TUBA4B: variants seen among roughly 807,000 people sequenced by gnomAD.
TUBA4B encodes tubulin-like protein alpha-4B.
In TUBA4B, 13 loss-of-function variants were observed where a neutral mutation model predicts 18.4. That is an observed-to-expected ratio of 0.71 (90% CI 0.46 to 1.12). The LOEUF (loss-of-function observed/expected upper bound fraction) is 1.12. Ranked by LOEUF, TUBA4B falls within the 50% of genes most tolerant of loss-of-function variation. The probability of loss-of-function intolerance (pLI) is 0.00; values close to 1 mark genes in which losing one functional copy is unlikely to be tolerated. For synonymous variants in TUBA4B, 101 were observed against 99.1 expected, an observed-to-expected ratio of 1.02 and a Z score of -0.11; for missense variants, 244 against 250.0, an observed-to-expected ratio of 0.98 and a Z score of 0.16.
chr2:219,257,062 T>TTC (rs1951724879), intron 1 of TUBA4B, among the ~76,000 whole-genome samples: 1 of 149,174 alleles, frequency 6.7e-6, no homozygotes, highest in African/African-American at 2.5e-5. Context: ...TTTTTTTTTT[T>TTC]TAAGATGGAG....
intron 1 of TUBA4B, among the ~76,000 whole-genome samples, chr2:219,262,267 T>C (rs943906651): frequency 3.9e-4 from 59 of 152,186 alleles, no homozygotes; most frequent in African/African-American, 1.2e-3. Context: ...GCTGAGATCG[T>C]GCCACTGCAC....
At chr2:219,264,508 G>A (rs969841697) in intron 1 of TUBA4B, among the ~76,000 whole-genome samples, 4 of 151,590 alleles carry the variant, frequency 2.6e-5, no homozygotes, top group African/African-American at 9.7e-5. Flanking sequence ...ATAAAGCAAT[G>A]ATAGTAATAT....
intron 1 of TUBA4B, among the ~76,000 whole-genome samples, chr2:219,257,277 G>A (rs1431040761): frequency 5.4e-5 from 8 of 148,888 alleles, no homozygotes; most frequent in African/African-American, 7.4e-5. Flanking sequence ...TCCTGACCTC[G>A]TGATCCACCC....
At chr2:219,267,408 A>C (rs1951796784) in intron 2 of TUBA4B, among the ~76,000 whole-genome samples, 1 of 152,160 alleles carries the variant, frequency 6.6e-6, no homozygotes, top group African/African-American at 2.4e-5. Flanking sequence ...AGTGCTTAAT[A>C]AGCAGAACTA....
chr2:219,257,722 C>T (rs549409165), intron 1 of TUBA4B, among the ~76,000 whole-genome samples: 196 of 148,542 alleles, frequency 1.3e-3, no homozygotes, highest in Middle Eastern at 3.6e-3. Context: ...AGTGCTGAGG[C>T]AGGAGAATCG....
At chr2:219,267,668 G>A (rs952219659) in intron 2 of TUBA4B, among the ~76,000 whole-genome samples, 4 of 151,456 alleles carry the variant, frequency 2.6e-5, no homozygotes, top group Non-Finnish European at 4.4e-5. Context: ...GGGTTCAAGC[G>A]ATTCTCCTGC....
chr2:219,270,078 G>T, intron 2 of TUBA4B, 124 bp from the exon 3 acceptor site: 1 of 626,622 alleles, frequency 1.6e-6, no homozygotes, highest in Non-Finnish European at 2.9e-6. Flanking sequence ...AATAGCAGCA[G>T]CCTGAATGCA....
intron 1 of TUBA4B, among the ~76,000 whole-genome samples, chr2:219,264,851 TG>T (rs1221354447): frequency 1.3e-5 from 2 of 152,180 alleles, no homozygotes; most frequent in Non-Finnish European, 2.9e-5. Context: ...GCTACTGTGG[TG>T]TGATTTCCAG....
chr2:219,260,458 G>C (rs1299534405), intron 1 of TUBA4B, among the ~76,000 whole-genome samples: 3 of 152,072 alleles, frequency 2.0e-5, no homozygotes, highest in Non-Finnish European at 4.4e-5. Context: ...ATATGCTGAC[G>C]ACTCAAATTT....
At chr2:219,271,060 A>G in intron 3 of TUBA4B, 106 bp from the exon 4 acceptor site, 1 of 610,738 alleles carries the variant, frequency 1.6e-6, no homozygotes, top group Non-Finnish European at 2.9e-6. Flanking sequence ...AAAGTCTTCC[A>G]AGGAGTTCAT....
intron 1 of TUBA4B, among the ~76,000 whole-genome samples, chr2:219,259,977 C>T (rs1370312636): frequency 6.6e-6 from 1 of 152,198 alleles, no homozygotes; most frequent in Non-Finnish European, 1.5e-5. Context: ...TGGCCTGCCT[C>T]TTGCCAAATC....
At chr2:219,255,657 AC>A (rs1951713655) in intron 1 of TUBA4B, among the ~76,000 whole-genome samples, 1 of 152,186 alleles carries the variant, frequency 6.6e-6, no homozygotes, top group Non-Finnish European at 1.5e-5. Flanking sequence ...GGCCTGAGCA[AC>A]CACCCCAGCC....
At chr2:219,253,723 G>A in intron 1 of TUBA4B, 1 of 1,093,330 alleles carries the variant, frequency 9.1e-7, no homozygotes, top group Admixed American at 2.6e-5. Flanking sequence ...TGGGGAGGGA[G>A]GATGCAAAAC....
intron 1 of TUBA4B, among the ~76,000 whole-genome samples, chr2:219,255,171 C>T (rs925380487): frequency 6.6e-6 from 1 of 152,230 alleles, no homozygotes. Context: ...CTACCTCATC[C>T]TTCCACCTCA....
intron 1 of TUBA4B, chr2:219,253,892 G>C (rs1559277953): frequency 7.0e-7 from 1 of 1,427,486 alleles, no homozygotes; most frequent in Non-Finnish European, 9.2e-7. Flanking sequence ...ACGTTGAGTC[G>C]GGGTGACAGG....
In TUBA4B at chr2:219,255,391, C is replaced by T. The variant is rs45591434; in HGVS notation, c.12+1972C>T. ...GTAGCTGGGATTACAGGCATGGATG[C>T]CTGGATGATTTTTGTATTTTTAGTA... On this transcript the variant is annotated intron_variant, in intron 1 of 3. Coordinates refer to ENST00000490341, the MANE Select transcript of TUBA4B (RefSeq NM_001355221.1). Among the ~76,000 whole-genome samples, 494 of 152,144 alleles carry T rather than the reference C, an allele frequency of 3.2e-3. 3 individuals carry two copies. Among genetic ancestry groups the T allele is most frequent in the African/African-American group, 0.011 (468 of 41,500 alleles).
At chr2:219,253,708 G>A (rs1951687439) in intron 1 of TUBA4B, 1 of 991,688 alleles carries the variant, frequency 1.0e-6, no homozygotes, top group Non-Finnish European at 1.5e-6. Context: ...TCACCAGGAG[G>A]GGGTTGGGGA....
chr2:219,253,755 G>A (rs1372531919), intron 1 of TUBA4B: 6 of 1,417,404 alleles, frequency 4.2e-6, no homozygotes, highest in Non-Finnish European at 4.8e-6. Context: ...CTGGAGACCC[G>A]GAACGCCCGG....
intron 3 of TUBA4B, among the ~76,000 whole-genome samples, chr2:219,270,729 TC>T (rs1951820000): frequency 6.8e-6 from 1 of 147,478 alleles, no homozygotes; most frequent in African/African-American, 2.7e-5. Context: ...GGCTTTGGCT[TC>T]TACGAAGGAT....
Sources: gnomAD v4.1 joint callset for allele counts (sites outside exome capture counted in the v4.1 genomes callset) on GRCh38, gnomAD v4.1.1 for gene constraint, MANE v1.5 for transcripts, NCBI Gene and HGNC (gene_info 2026-07-23, HGNC 2026-07-21) for gene names.